ANGPT1: variants seen among roughly 807,000 people sequenced by gnomAD.
ANGPT1 encodes angiopoietin 1, also known as angiopoietin-1.
In ANGPT1, 17 loss-of-function variants were observed where a neutral mutation model predicts 62.2. That is an observed-to-expected ratio of 0.27 (90% CI 0.19 to 0.41). The LOEUF is 0.41. ANGPT1 is among the 10% of genes least tolerant of loss of function. ANGPT1 has a pLI of 1.00. For synonymous variants in ANGPT1, 199 were observed against 198.9 expected (o/e 1.00, Z 0.00); for missense variants, 478 against 594.9 (o/e 0.80, Z 2.04).
chr8:107,391,224 A>C (rs1422604674), intron 1 of ANGPT1, among the ~76,000 whole-genome samples: 1 of 152,192 alleles, frequency 6.6e-6, no homozygotes, highest in Admixed American at 6.5e-5. Context: ...GTGGGGCTGA[A>C]TCTTCTGGGT....
intron 1 of ANGPT1, among the ~76,000 whole-genome samples, chr8:107,434,456 T>A (rs1442000972): frequency 2.6e-5 from 4 of 151,942 alleles, no homozygotes; most frequent in Non-Finnish European, 4.4e-5. Flanking sequence ...AATGCCAGAG[T>A]GATGGGGTCA....
intron 5 of ANGPT1, 122 bp from the exon 6 acceptor site, chr8:107,294,159 T>C (rs1814353183): frequency 1.7e-6 from 1 of 599,482 alleles, no homozygotes; most frequent in Non-Finnish European, 2.8e-6. Flanking sequence ...GAAATTACTA[T>C]ATTGAACAAT....
At position 107,397,984 on chromosome 8, in the gene ANGPT1, A is replaced by G. The variant is rs7827507; in HGVS notation, c.298-50887T>C. ...AACTAAATTGAATTATTACCAGATT[A>G]TCAGGGTTTGGCTGAATCTTTGCCC... On this transcript the variant is annotated intron_variant, in intron 1 of 8. Transcript: ENST00000517746. Among the ~76,000 whole-genome samples the G allele has an allele frequency of 1.9e-3, 282 of 152,340 alleles. 1 individual carries two copies. The highest frequency in any genetic ancestry group is 6.3e-3 in the African/African-American group (260 of 41,586).
chr8:107,397,809 G>A (rs1215485442), intron 1 of ANGPT1, among the ~76,000 whole-genome samples: 6 of 152,018 alleles, frequency 3.9e-5, no homozygotes, highest in African/African-American at 1.4e-4. Flanking sequence ...GCTCTCAATG[G>A]CCACATAGAA....
intron 1 of ANGPT1, among the ~76,000 whole-genome samples, chr8:107,352,878 T>C (rs973592118): frequency 5.3e-5 from 8 of 152,088 alleles, no homozygotes; most frequent in African/African-American, 9.7e-5. Context: ...AAAAATGCCT[T>C]AAATGTTGAT....
At chr8:107,369,613 G>A (rs1631849) in intron 1 of ANGPT1, among the ~76,000 whole-genome samples, 113,266 of 152,022 alleles carry the variant, frequency 0.75, 43,063 homozygotes, top group East Asian at 0.87. Context: ...TGCTAGAGAT[G>A]TACAATTCTT....
chr8:107,279,894 T>A (rs936223901), intron 7 of ANGPT1, among the ~76,000 whole-genome samples: 2 of 151,970 alleles, frequency 1.3e-5, no homozygotes, highest in Non-Finnish European at 2.9e-5. Flanking sequence ...GCACAGAGTA[T>A]CCAAATTGGC....
At chr8:107,371,963 C>A (rs541413474) in intron 1 of ANGPT1, among the ~76,000 whole-genome samples, 1 of 152,068 alleles carries the variant, frequency 6.6e-6, no homozygotes, top group African/African-American at 2.4e-5. Flanking sequence ...GCCTTATAAG[C>A]TGAGGTGATG....
intron 1 of ANGPT1, among the ~76,000 whole-genome samples, chr8:107,431,132 A>G (rs1405818371): frequency 6.6e-6 from 1 of 152,198 alleles, no homozygotes; most frequent in Non-Finnish European, 1.5e-5. Context: ...TGCCTCTGAT[A>G]ATTAAATAAG....
chr8:107,345,132 TC>T (rs1338750717), intron 2 of ANGPT1, among the ~76,000 whole-genome samples: 4 of 152,204 alleles, frequency 2.6e-5, no homozygotes, highest in Non-Finnish European at 5.9e-5. Context: ...CTTTTCTACT[TC>T]CCTCTCATTG....
intron 1 of ANGPT1, among the ~76,000 whole-genome samples, chr8:107,426,188 G>C (rs1245700835): frequency 6.6e-6 from 1 of 152,130 alleles, no homozygotes; most frequent in African/African-American, 2.4e-5. Context: ...TGGACACAAA[G>C]GGGCCTGTGC....
At chr8:107,475,649 A>C (rs1397957442) in intron 1 of ANGPT1, among the ~76,000 whole-genome samples, 2 of 152,208 alleles carry the variant, frequency 1.3e-5, no homozygotes, top group African/African-American at 2.4e-5. Context: ...TGAACAGGCA[A>C]CCTACAGAAT....
chr8:107,276,819 C>T (rs1813878668), intron 7 of ANGPT1, among the ~76,000 whole-genome samples: 1 of 152,176 alleles, frequency 6.6e-6, no homozygotes, highest in African/African-American at 2.4e-5. Context: ...CATCAAACTA[C>T]TTCCCAATGA....
chr8:107,271,199 T>A (rs553515829), intron 7 of ANGPT1, among the ~76,000 whole-genome samples: 1 of 152,010 alleles, frequency 6.6e-6, no homozygotes, highest in Admixed American at 6.6e-5. Context: ...CCTGTTTGGG[T>A]TTGCAATCTA....
At chr8:107,368,217 C>T (rs531778022) in intron 1 of ANGPT1, among the ~76,000 whole-genome samples, 9 of 152,132 alleles carry the variant, frequency 5.9e-5, no homozygotes, top group Non-Finnish European at 1.0e-4. Flanking sequence ...TATTCTTGTG[C>T]ATCTCCATCA....
At chr8:107,427,068 G>A (rs370058331) in intron 1 of ANGPT1, among the ~76,000 whole-genome samples, 1 of 152,122 alleles carries the variant, frequency 6.6e-6, no homozygotes, top group Non-Finnish European at 1.5e-5. Context: ...AAAAGAATAT[G>A]GGTCCACACT....
At chr8:107,434,121 G>T (rs1418256369) in intron 1 of ANGPT1, among the ~76,000 whole-genome samples, 1 of 152,200 alleles carries the variant, frequency 6.6e-6, no homozygotes, top group Non-Finnish European at 1.5e-5. Context: ...ATCAATAGAA[G>T]CATTGAACTG....
intron 3 of ANGPT1, among the ~76,000 whole-genome samples, chr8:107,328,081 G>C (rs887366176): frequency 6.6e-6 from 1 of 152,066 alleles, no homozygotes; most frequent in Non-Finnish European, 1.5e-5. Context: ...AGCTCTATGA[G>C]TATAAATATA....
chr8:107,403,629 T>C (rs1817089564), intron 1 of ANGPT1, among the ~76,000 whole-genome samples: 1 of 152,168 alleles, frequency 6.6e-6, no homozygotes, highest in African/African-American at 2.4e-5. Context: ...AACACCTGTC[T>C]CTTTGTGATA....
Sources: gnomAD v4.1 joint callset for allele counts (sites outside exome capture counted in the v4.1 genomes callset) on GRCh38, gnomAD v4.1.1 for gene constraint, MANE v1.5 for transcripts, NCBI Gene and HGNC (gene_info 2026-07-23, HGNC 2026-07-21) for gene names.